Variants in STIL observed in about 807,000 individuals in gnomAD.
STIL encodes STIL centriolar assembly protein, also known as SCL-interrupting locus protein.
In STIL, 55 loss-of-function variants were observed where a neutral mutation model predicts 110.1. The ratio of observed to expected loss-of-function variants is 0.50; its 90% CI spans 0.40 to 0.63. The LOEUF is 0.63. Among genes scored for constraint, STIL ranks in the 20% least tolerant of loss-of-function variants. STIL has a pLI of 0.00. For synonymous variants in STIL, 481 were observed against 530.0 expected (o/e 0.91, Z 1.27); for missense variants, 1,358 against 1,530.0 (o/e 0.89, Z 1.87).
At chr1:47,296,055 A>C in intron 6 of STIL, among the ~76,000 whole-genome samples, 1 of 152,320 alleles carries the variant, frequency 6.6e-6, no homozygotes, top group Non-Finnish European at 1.5e-5. Flanking sequence ...AATACCTTAA[A>C]ACTTCCATCT....
At chr1:47,305,171 G>C in intron 2 of STIL, 175 bp from the exon 3 acceptor site, 1 of 560,440 alleles carries the variant, frequency 1.8e-6, no homozygotes, top group Non-Finnish European at 3.1e-6. Flanking sequence ...CATCACCCAG[G>C]CTGGAGTGCA....
At chr1:47,312,755 C>G (rs1557784978) in intron 1 of STIL, among the ~76,000 whole-genome samples, 1 of 152,160 alleles carries the variant, frequency 6.6e-6, no homozygotes, top group Non-Finnish European at 1.5e-5. Flanking sequence ...AAGGTACTTT[C>G]ATTCTGTCAG....
At chr1:47,289,609 TA>T in intron 8 of STIL, 24 bp from the exon 9 acceptor site, 1 of 1,590,926 alleles carries the variant, frequency 6.3e-7, no homozygotes, top group Non-Finnish European at 8.6e-7. Context: ...GTCATTTAAT[TA>T]AAATTTAATG....
At chr1:47,253,670 A>T (rs771363072) in intron 16 of STIL, among the ~76,000 whole-genome samples, 12 of 152,138 alleles carry the variant, frequency 7.9e-5, no homozygotes, top group Non-Finnish European at 1.5e-4. Context: ...GATTTTTTCT[A>T]TCAGAGTCCT....
At chr1:47,268,792 T>G (rs1570086033) in intron 14 of STIL, among the ~76,000 whole-genome samples, 1 of 136,732 alleles carries the variant, frequency 7.3e-6, no homozygotes, top group African/African-American at 2.9e-5. Context: ...AATAAATAAA[T>G]TAAATAAAAG....
chr1:47,263,204 C>T (rs992236209), intron 14 of STIL, 88 bp from the exon 15 acceptor site: 34 of 1,194,468 alleles, frequency 2.8e-5, no homozygotes, highest in Non-Finnish European at 3.5e-5. Flanking sequence ...GGTTAAGACT[C>T]AAGCAGCACC....
At chr1:47,267,899 C>G (rs1644701555) in intron 14 of STIL, among the ~76,000 whole-genome samples, 1 of 151,866 alleles carries the variant, frequency 6.6e-6, no homozygotes, top group African/African-American at 2.4e-5. Context: ...CTGAGCCTAG[C>G]CTACGATCCT....
At chr1:47,302,508 CT>C (rs1374208707) in intron 3 of STIL, among the ~76,000 whole-genome samples, 162 bp from the exon 4 acceptor site, 1 of 152,126 alleles carries the variant, frequency 6.6e-6, no homozygotes, top group Admixed American at 6.6e-5. Context: ...CGGAGGGCCA[CT>C]TGGAAACTAG....
Position 47,287,559 on chromosome 1 carries a change from T to G in STIL, c.1125A>C (p.Ser375=). The change falls in exon 10 of 17, where the codon TCA becomes TCC. Residue 375 remains serine, a synonymous_variant. Coordinates refer to ENST00000371877, the MANE Select transcript of STIL (RefSeq NM_001048166.1). The part of the protein sequence containing the change: ...EFFSKASKNF[S]IKRSSQKLSS... Reference sequence around the variant, plus strand: ...ACAAAAAGATCTTTTACCTCTTAATTGAAAAATTCTTGGAAGCCTTACTGA... The same window carrying G: ...ACAAAAAGATCTTTTACCTCTTAATGGAAAAATTCTTGGAAGCCTTACTGA... 1 of 1,609,132 alleles carries G rather than the reference T, an allele frequency of 6.2e-7. No homozygotes were observed. Among genetic ancestry groups the G allele is most frequent in the Non-Finnish European group, 8.5e-7 (1 of 1,177,460 alleles).
At chr1:47,268,417 G>T (rs1365897006) in intron 14 of STIL, among the ~76,000 whole-genome samples, 1 of 151,918 alleles carries the variant, frequency 6.6e-6, no homozygotes, top group Non-Finnish European at 1.5e-5. Context: ...TTGCACTCCA[G>T]CCTGGGTGAA....
chr1:47,254,334 A>G (rs1344828406), intron 16 of STIL, among the ~76,000 whole-genome samples: 1 of 152,112 alleles, frequency 6.6e-6, no homozygotes, highest in Non-Finnish European at 1.5e-5. Flanking sequence ...GACTATTTTA[A>G]TAAGATGAAA....
chr1:47,289,751 C>G (rs1645421817), intron 8 of STIL, among the ~76,000 whole-genome samples, 166 bp from the exon 9 acceptor site: 1 of 151,962 alleles, frequency 6.6e-6, no homozygotes, highest in Admixed American at 6.6e-5. Context: ...GGGAGGATCG[C>G]TTGAGGCCAG....
intron 3 of STIL, among the ~76,000 whole-genome samples, chr1:47,303,647 A>C (rs1318215842): frequency 6.6e-6 from 1 of 152,220 alleles, no homozygotes; most frequent in African/African-American, 2.4e-5. Flanking sequence ...TTGAAAAACA[A>C]AGGAAACTAC....
In STIL at chr1:47,302,727, C is replaced by T. The variant is rs1557771136; in HGVS notation, c.153-381G>A. On this transcript the variant is annotated intron_variant, in intron 3 of 16. Transcript: ENST00000371877. ...CTCTGGGAGACATGTTCCAGACCCC[C>T]AGTGGATGTCTGAAACCACAGATAG... Among the ~76,000 whole-genome samples the T allele has an allele frequency of 2.6e-5, 4 of 152,192 alleles. No individual in the cohort carries two copies. In the South Asian group the frequency reaches 8.3e-4, roughly 32 times the overall value.
intron 3 of STIL, 48 bp downstream of exon 3, chr1:47,304,841 T>C (rs747295491): frequency 3.0e-6 from 4 of 1,342,296 alleles, no homozygotes; most frequent in Non-Finnish European, 3.2e-6. Context: ...ATCTTTGTAT[T>C]ACTCTTGTTT....
chr1:47,269,287 CAAGTA>C (rs1644750325), intron 14 of STIL, among the ~76,000 whole-genome samples: 1 of 151,516 alleles, frequency 6.6e-6, no homozygotes. Flanking sequence ...GAAATCATAT[CAAGTA>C]AAGACATAAA....
At position 47,251,875 on chromosome 1, in the gene STIL, C is replaced by A; in HGVS notation, c.3128G>T (p.Cys1043Phe). 3.1e-6 allele frequency: 5 copies of A among 1,608,608 alleles called. No homozygotes were observed. Among genetic ancestry groups the A allele is most frequent in the Non-Finnish European group, 4.2e-6 (5 of 1,177,994 alleles). Residue 1043 changes from cysteine (C) to phenylalanine (F), a missense_variant, in exon 17 of 17, where the codon TGC becomes TTC. Coordinates refer to ENST00000371877, the MANE Select transcript of STIL (RefSeq NM_001048166.1). ...SPEAVISGLN[C>F]MSFANVGMSG... ...CATGCCAACATTAGCAAATGACATG[C>A]AGTTTAATCCAGAGATCACTGCTTC...
chr1:47,290,627 C>T (rs1229037863), intron 8 of STIL, among the ~76,000 whole-genome samples: 2 of 150,702 alleles, frequency 1.3e-5, no homozygotes, highest in African/African-American at 2.4e-5. Flanking sequence ...GGCGTGAACC[C>T]GGGAGGTGGA....
intron 5 of STIL, among the ~76,000 whole-genome samples, chr1:47,301,143 CAGTGGTGT>C (rs1185367149): frequency 6.6e-6 from 1 of 152,096 alleles, no homozygotes; most frequent in Non-Finnish European, 1.5e-5. Context: ...GGCTGGAGTG[CAGTGGTGT>C]GATCACGGCT....
Sources: gnomAD v4.1 joint callset for allele counts (sites outside exome capture counted in the v4.1 genomes callset) on GRCh38, gnomAD v4.1.1 for gene constraint, MANE v1.5 for transcripts, NCBI Gene and HGNC (gene_info 2026-07-23, HGNC 2026-07-21) for gene names.